PARD3B: variants seen among roughly 807,000 people sequenced by gnomAD.
PARD3B encodes the protein par-3 family cell polarity regulator beta.
Under a neutral mutation model 130.2 loss-of-function variants are expected in PARD3B, and 103 were observed. The observed-to-expected ratio is 0.79, with a 90% CI of 0.67 to 0.93. The LOEUF is 0.93. Among genes scored for constraint, PARD3B ranks in the 40% least tolerant of loss-of-function variants. The pLI is 0.00. For missense variants in PARD3B, 1,609 were observed against 1,499.2 expected, an observed-to-expected ratio of 1.07 and a Z score of -1.21; for synonymous variants, 583 against 553.2, an observed-to-expected ratio of 1.05 and a Z score of -0.76.
intron 3 of PARD3B, among the ~76,000 whole-genome samples, chr2:204,973,443 A>AT (rs1375485318): frequency 5.9e-5 from 9 of 152,240 alleles, no homozygotes; most frequent in Admixed American, 2.0e-4. Context: ...CTTGTTAACA[A>AT]TTTAATATAT....
chr2:205,120,662 C>G (rs1400731538), intron 7 of PARD3B, among the ~76,000 whole-genome samples: 1 of 152,224 alleles, frequency 6.6e-6, no homozygotes, highest in African/African-American at 2.4e-5. Flanking sequence ...TTCTGCTTTG[C>G]CATCTCGCCA....
intron 18 of PARD3B, among the ~76,000 whole-genome samples, chr2:205,364,653 G>T (rs993345157): frequency 2.0e-5 from 3 of 152,144 alleles, no homozygotes; most frequent in Non-Finnish European, 2.9e-5. Context: ...TTGACAATTG[G>T]AGTATGCTTA....
intron 3 of PARD3B, among the ~76,000 whole-genome samples, chr2:205,020,423 A>G (rs1696507851): frequency 6.6e-6 from 1 of 152,146 alleles, no homozygotes; most frequent in African/African-American, 2.4e-5. Context: ...AACTAGAAGC[A>G]TACTAGGTGC....
In PARD3B at chr2:204,922,011, G is replaced by A. The variant is rs116780338; in HGVS notation, c.223-43141G>A. On this transcript the variant is annotated intron_variant, in intron 2 of 22. Coordinates refer to ENST00000406610, the MANE Select transcript of PARD3B (RefSeq NM_001302769.2). Reference sequence around the variant, plus strand: ...AAAATGCTTAGCAAGTTTCTGCATGGAACAGGGTACTGTGGATTCTGATGC... The same window carrying A: ...AAAATGCTTAGCAAGTTTCTGCATGAAACAGGGTACTGTGGATTCTGATGC... Among the ~76,000 whole-genome samples, 1,480 of 152,194 alleles carry A rather than the reference G, an allele frequency of 9.7e-3. 12 individuals are homozygous for A. Among genetic ancestry groups the A allele is most frequent in the Non-Finnish European group, 0.015 (1,009 of 67,970 alleles).
chr2:205,159,629 T>C (rs849120), intron 11 of PARD3B, among the ~76,000 whole-genome samples: 115,717 of 152,076 alleles, frequency 0.76, 44,337 homozygotes, highest in African/African-American at 0.81. Context: ...ACTTCATAGG[T>C]TTCCAGGATT....
Position 205,618,412 on chromosome 2 carries a change from T to G in PARD3B, c.*2599T>G, listed in dbSNP as rs1283883090. On this transcript the variant is annotated 3_prime_UTR_variant, in exon 23 of 23. Coordinates refer to ENST00000406610, the MANE Select transcript of PARD3B (RefSeq NM_001302769.2). ...TTTCCCAGCATTTAGGGGAACAGGC[T>G]TTTAGAGTATTTAGAAGACCAGGCT... The G allele has an allele frequency of 6.6e-6, 1 of 152,184 alleles. No individual in the cohort carries two copies. Among genetic ancestry groups the G allele is most frequent in the Non-Finnish European group, 1.5e-5 (1 of 68,040 alleles). The allele number at this position is 152,184 out of a possible 1,614,324, so 9.4% of individuals were successfully genotyped here.
intron 20 of PARD3B, among the ~76,000 whole-genome samples, chr2:205,471,264 A>G (rs1048281846): frequency 6.6e-6 from 1 of 150,950 alleles, no homozygotes; most frequent in Non-Finnish European, 1.5e-5. Context: ...TGATATATCT[A>G]TATGTCTTTT....
rs2046420831 is a variant in PARD3B at position 204,890,875 on chromosome 2, G to A, written c.223-74277G>A. Among the ~76,000 whole-genome samples, 3 of 152,016 alleles carry A rather than the reference G, an allele frequency of 2.0e-5. No homozygotes were observed. Among genetic ancestry groups the A allele is most frequent in the Admixed American group, 6.6e-5 (1 of 15,254 alleles). Reference sequence around the variant, plus strand: ...TGTTTTGGATGCGGATGTTGTTTAGGATTTAAAACAACTGTGACATTGATC... The same window carrying A: ...TGTTTTGGATGCGGATGTTGTTTAGAATTTAAAACAACTGTGACATTGATC... On this transcript the variant is annotated intron_variant, in intron 2 of 22. Transcript: ENST00000406610. This position sits in a 1 kb window ranked among gnomAD's most constrained non-coding sequence, Gnocchi z 4.9.
At chr2:204,581,328 T>C (rs992312726) in intron 1 of PARD3B, among the ~76,000 whole-genome samples, 2 of 152,252 alleles carry the variant, frequency 1.3e-5, no homozygotes, top group African/African-American at 2.4e-5. Context: ...AAATTCTTTA[T>C]TCTTTTTCTA....
chr2:205,054,424 ATATATATATATAT>A (rs1273185191), intron 4 of PARD3B, among the ~76,000 whole-genome samples: 2 of 21,446 alleles, frequency 9.3e-5, no homozygotes, highest in African/African-American at 1.6e-4. Context: ...ATATATATAT[ATATATATATATAT>A]TTTTTTTTTT....
At chr2:205,196,162 T>C (rs1011821643) in intron 15 of PARD3B, among the ~76,000 whole-genome samples, 1 of 152,186 alleles carries the variant, frequency 6.6e-6, no homozygotes, top group Non-Finnish European at 1.5e-5. Context: ...AAAATGTGAG[T>C]GCTCCTAGAA....
chr2:205,040,734 A>G (rs1698337449), intron 3 of PARD3B, among the ~76,000 whole-genome samples: 1 of 152,084 alleles, frequency 6.6e-6, no homozygotes, highest in African/African-American at 2.4e-5. Flanking sequence ...ACCAACTTAC[A>G]TGTATTTTAA....
intron 2 of PARD3B, among the ~76,000 whole-genome samples, chr2:204,864,508 C>G (rs1341674212): frequency 6.6e-6 from 1 of 152,172 alleles, no homozygotes; most frequent in African/African-American, 2.4e-5. Context: ...GTTTGACTCT[C>G]AGAATCTTTC....
At chr2:204,882,378 C>T (rs1443733352) in intron 2 of PARD3B, among the ~76,000 whole-genome samples, 1 of 151,980 alleles carries the variant, frequency 6.6e-6, no homozygotes, top group East Asian at 1.9e-4. Context: ...ATCAGATAAT[C>T]CTTCTATAAT....
chr2:205,106,450 A>G lies in PARD3B; in HGVS notation c.593+1936A>G, dbSNP rs963301487. 3.9e-5 allele frequency among the ~76,000 whole-genome samples: 6 copies of G among 151,970 alleles called. No individual in the cohort carries two copies. In the East Asian group the frequency reaches 1.2e-3, roughly 29 times the overall value. On this transcript the variant is annotated intron_variant, in intron 5 of 22. Coordinates refer to ENST00000406610, the MANE Select transcript of PARD3B (RefSeq NM_001302769.2). ...AGGCATGAGCTACCACGCCCGGCCA[A>G]AAACATATATATTCTTTAGTTAAGA... is the stretch of plus-strand genomic sequence containing the variant.
intron 15 of PARD3B, among the ~76,000 whole-genome samples, chr2:205,206,215 T>C (rs554895538): frequency 0.032 from 4,479 of 139,838 alleles, 194 homozygotes; most frequent in African/African-American, 0.11. Flanking sequence ...TTTTTTTTTT[T>C]CTTTTTTTTT....
intron 19 of PARD3B, among the ~76,000 whole-genome samples, chr2:205,423,597 T>C (rs2047046640): frequency 6.6e-6 from 1 of 152,138 alleles, no homozygotes; most frequent in African/African-American, 2.4e-5. Flanking sequence ...ATAAGCACCA[T>C]AGAAAATACT....
At chr2:205,582,400 G>GA (rs2054020583) in intron 22 of PARD3B, among the ~76,000 whole-genome samples, 3 of 151,976 alleles carry the variant, frequency 2.0e-5, no homozygotes, top group African/African-American at 4.8e-5. Flanking sequence ...AATTAAAGCA[G>GA]AAAAAAATAA....
intron 20 of PARD3B, among the ~76,000 whole-genome samples, chr2:205,492,179 C>T (rs887574307): frequency 6.6e-6 from 1 of 152,162 alleles, no homozygotes; most frequent in Non-Finnish European, 1.5e-5. Context: ...TAAATACTCT[C>T]TTAAGATGCT....
Sources: allele counts gnomAD v4.1 joint callset (sites outside exome capture counted in the v4.1 genomes callset), GRCh38; gene constraint gnomAD v4.1.1; non-coding constraint Gnocchi (gnomAD v3.1); transcripts MANE v1.5; gene names NCBI Gene and HGNC (gene_info 2026-07-23, HGNC 2026-07-21).